The following ZNF324 variants were observed in gnomAD, a reference collection of about 807,000 sequenced individuals.
ZNF324 encodes the protein zinc finger protein 324, also known as zinc finger protein 324A.
A neutral mutation model predicts 10.3 loss-of-function variants in ZNF324; 3 were observed. The ratio of observed to expected loss-of-function variants is 0.29; its 90% CI spans 0.13 to 0.75. The LOEUF (loss-of-function observed/expected upper bound fraction) is 0.75. Among genes scored for constraint, ZNF324 ranks in the 30% least tolerant of loss-of-function variants. ZNF324 has a pLI of 0.69. For synonymous variants in ZNF324, 430 were observed against 339.5 expected, an observed-to-expected ratio of 1.27 and a Z score of -2.93; for missense variants, 763 against 784.4, an observed-to-expected ratio of 0.97 and a Z score of 0.33.
Position 58,471,838 on chromosome 19 carries a change from G to C in ZNF324, c.1346G>C (p.Gly449Ala), listed in dbSNP as rs2053036598. The change falls in exon 4 of 4, where the codon GGC (glycine) becomes GCC (alanine). Residue 449 changes from glycine to alanine, a missense_variant. Physicochemically the swap from Gly to Ala is moderately conservative, Grantham distance 60 (BLOSUM62 0). Coordinates refer to ENST00000196482, the MANE Select transcript of ZNF324 (RefSeq NM_014347.3). ...NLTQHQLLHT[G>A]ERPFRCVDCG... ...ACCCAGCACCAGCTCCTGCACACGG[G>C]CGAGCGGCCCTTCCGCTGCGTGGAC... The C allele has an allele frequency of 6.2e-7, 1 of 1,612,786 alleles. No individual in the cohort carries two copies. The highest frequency in any genetic ancestry group is 1.3e-5 in the African/African-American group (1 of 74,932).
Position 58,473,847 on chromosome 19 carries a change from G to A in ZNF324, c.*1693G>A, listed in dbSNP as rs2053058945. 1 of 152,274 alleles carries A rather than the reference G, an allele frequency of 6.6e-6. No homozygotes were observed. Among genetic ancestry groups the A allele is most frequent in the Non-Finnish European group, 1.5e-5 (1 of 68,086 alleles). The allele number at this position is 152,274 out of a possible 1,614,324, so 9.4% of individuals were successfully genotyped here. ...GAACTGGGATAGAGTGGGGCTGTCT[G>A]GAGCAGCAGCCCTGCTAGATGAGTC... is the stretch of plus-strand genomic sequence containing the variant. On this transcript the variant is annotated 3_prime_UTR_variant, in exon 4 of 4. Coordinates refer to ENST00000196482, the MANE Select transcript of ZNF324 (RefSeq NM_014347.3).
Position 58,471,408 on chromosome 19 carries a change from A to G in ZNF324, c.916A>G (p.Ile306Val). The G allele has an allele frequency of 6.2e-7, 1 of 1,612,674 alleles. No homozygotes were observed. The highest frequency in any genetic ancestry group is 8.5e-7 in the Non-Finnish European group (1 of 1,179,380). Residue 306 changes from isoleucine to valine, a missense_variant, in exon 4 of 4, where the codon ATC becomes GTC. Around this residue, in one of 3 missense-constraint regions of ZNF324, gnomAD observed 153 missense variants for 269.0 expected, o/e 0.57. Transcript: ENST00000196482. The part of the protein sequence containing the change: ...QTSHLTQHQR[I>V]HSGETPYACP... ...GTCGCACTTGACGCAGCACCAGCGC[A>G]TCCACAGCGGCGAGACGCCCTACGC...
chr19:58,467,495 G>T (rs1424303135), intron 1 of ZNF324: 3 of 151,828 alleles, frequency 2.0e-5, no homozygotes, highest in Admixed American at 6.6e-5. Flanking sequence ...TGGCGGCGGT[G>T]GCGCTGACAA....
rs754827254 is a variant in ZNF324, at chr19:58,469,172, T to G, written c.-6-8T>G. The G allele has an allele frequency of 1.9e-6, 3 of 1,614,056 alleles. No homozygotes were observed. Among genetic ancestry groups the G allele is most frequent in the East Asian group, 4.5e-5 (2 of 44,894 alleles). ...ACCATGGCTGTCTCTTCCTCCCTGC[T>G]CTTTTAGGACCAGATGGCCTTTGAG... On this transcript the variant is annotated splice_region_variant and splice_polypyrimidine_tract_variant and intron_variant, in intron 1 of 3. Coordinates refer to ENST00000196482, the MANE Select transcript of ZNF324 (RefSeq NM_014347.3).
Position 58,473,651 on chromosome 19 carries a change from C to T in ZNF324, c.*1497C>T, listed in dbSNP as rs561911469. The T allele has an allele frequency of 7.2e-5, 11 of 152,376 alleles. No individual in the cohort carries two copies. The South Asian group carries it at 2.1e-3, about 29-fold the overall frequency. The allele number at this position is 152,376 out of a possible 1,614,324, so 9.4% of individuals were successfully genotyped here. ...GCAGATGGTATTGAACATACCCTGA[C>T]ATGCCATCAGCGTTTGTCATCATCA... On this transcript the variant is annotated 3_prime_UTR_variant, in exon 4 of 4. Transcript: ENST00000196482.
rs1222485067 is a variant in ZNF324, at chr19:58,474,798, G to A, written c.*2644G>A. 2 of 152,402 alleles carry A rather than the reference G, an allele frequency of 1.3e-5. No homozygotes were observed. The highest frequency in any genetic ancestry group is 3.4e-3 in the Middle Eastern group (1 of 294). The allele number at this position is 152,402 out of a possible 1,614,324, so 9.4% of individuals were successfully genotyped here. ...CACAAGTATGAGGATGGTGACAGAG[G>A]AGTCAGGAGCAATGGCATTCCTAAG... On this transcript the variant is annotated 3_prime_UTR_variant, in exon 4 of 4. Coordinates refer to ENST00000196482, the MANE Select transcript of ZNF324 (RefSeq NM_014347.3).
rs143882732 is a variant in ZNF324 at position 58,471,684 on chromosome 19, G to C, written c.1192G>C (p.Val398Leu). The change falls in exon 4 of 4, where the codon GTG (valine) becomes CTG (leucine). Residue 398 changes from valine (V) to leucine (L), a missense_variant. Val to Leu is a conservative substitution (Grantham distance 32, BLOSUM62 1). Around this residue, in one of 3 missense-constraint regions of ZNF324, gnomAD observed 153 missense variants for 269.0 expected, o/e 0.57. Transcript: ENST00000196482. ...ERTHTGEKPF[V>L]CALCGAAFSQ... The stretch of plus-strand genomic sequence containing the variant: ...TACGCACACAGGCGAGAAGCCCTTC[G>C]TGTGCGCGCTCTGCGGTGCTGCCTT... 26 of 1,612,952 alleles carry C rather than the reference G, an allele frequency of 1.6e-5. No homozygotes were observed. In the East Asian group the frequency reaches 2.5e-4, roughly 15 times the overall value.
At position 58,471,393 on chromosome 19, in the gene ZNF324, A is replaced by G; in HGVS notation, c.901A>G (p.Thr301Ala). Residue 301 changes from threonine to alanine, a missense_variant, in exon 4 of 4, where the codon ACG becomes GCG. Physicochemically the swap from Thr to Ala is moderately conservative, Grantham distance 58. Around this residue, in one of 3 missense-constraint regions of ZNF324, gnomAD observed 153 missense variants for 269.0 expected, o/e 0.57. Transcript: ENST00000196482. The stretch of plus-strand genomic sequence containing the variant: ...GGCCTTCAGCCAGACGTCGCACTTG[A>G]CGCAGCACCAGCGCATCCACAGCGG... ...GKAFSQTSHL[T>A]QHQRIHSGET... 3 of 1,613,452 alleles carry G rather than the reference A, an allele frequency of 1.9e-6. No homozygotes were observed. Among genetic ancestry groups the G allele is most frequent in the Non-Finnish European group, 2.5e-6 (3 of 1,179,790 alleles).
At position 58,471,881 on chromosome 19, in the gene ZNF324, C is replaced by T. The variant is rs1324102308; in HGVS notation, c.1389C>T (p.Ala463=). 3 of 1,612,002 alleles carry T rather than the reference C, an allele frequency of 1.9e-6. No individual in the cohort carries two copies. The highest frequency in any genetic ancestry group is 1.7e-5 in the Admixed American group (1 of 59,984). ...FRCVDCGKAF[A]KGAVLLSHRR... is the part of the protein sequence containing the mutation. ...GCGTGGACTGTGGCAAGGCCTTCGC[C>T]AAGGGCGCCGTGCTGCTCAGCCACC... Residue 463 remains alanine (A), a synonymous_variant, in exon 4 of 4, where the codon GCC becomes GCT. Transcript: ENST00000196482.
chr19:58,471,746 G>T lies in ZNF324; in HGVS notation c.1254G>T (p.Val418=), dbSNP rs373142502. 1 of 1,612,496 alleles carries T rather than the reference G, an allele frequency of 6.2e-7. No homozygotes were observed. The highest frequency in any genetic ancestry group is 8.5e-7 in the Non-Finnish European group (1 of 1,179,556). Reference sequence around the variant, plus strand: ...CCTCGCTCTTTAAGCACCAGCGCGTGCACACAGGCGAGAAGCCCTTCGCCT... The same window carrying T: ...CCTCGCTCTTTAAGCACCAGCGCGTTCACACAGGCGAGAAGCCCTTCGCCT... ...QGSSLFKHQR[V]HTGEKPFACP... Residue 418 remains valine, a synonymous_variant, in exon 4 of 4, where the codon GTG becomes GTT. Transcript: ENST00000196482.
intron 2 of ZNF324, 53 bp downstream of exon 2, chr19:58,469,359 C>T: frequency 6.3e-7 from 1 of 1,592,544 alleles, no homozygotes; most frequent in South Asian, 1.1e-5. Context: ...GCTGACTGGC[C>T]AGGGCTGCCC....
Position 58,471,903 on chromosome 19 carries a change from C to T in ZNF324, c.1411C>T (p.His471Tyr). The T allele has an allele frequency of 6.2e-7, 1 of 1,610,936 alleles. No individual in the cohort carries two copies. The highest frequency in any genetic ancestry group is 8.5e-7 in the Non-Finnish European group (1 of 1,179,232). The change falls in exon 4 of 4, where the codon CAC (histidine) becomes TAC (tyrosine). Residue 471 changes from histidine to tyrosine, a missense_variant. Physicochemically the swap from His to Tyr is moderately conservative, Grantham distance 83. Around this residue, in one of 3 missense-constraint regions of ZNF324, gnomAD observed 231 missense variants for 196.0 expected, o/e 1.18. Transcript: ENST00000196482. ...CGCCAAGGGCGCCGTGCTGCTCAGC[C>T]ACCGGCGCATTCACACGGGCGAGAA... ...AFAKGAVLLS[H>Y]RRIHTGEKPF...
In ZNF324 at chr19:58,474,069, C is replaced by T. The variant is rs1418993440; in HGVS notation, c.*1915C>T. On this transcript the variant is annotated 3_prime_UTR_variant, in exon 4 of 4. Coordinates refer to ENST00000196482, the MANE Select transcript of ZNF324 (RefSeq NM_014347.3). Reference sequence around the variant, plus strand: ...ATACACAAAGAGCCCAGATCCAGGCCCCACACACTTGATATTGGGGCCAGA... The same window carrying T: ...ATACACAAAGAGCCCAGATCCAGGCTCCACACACTTGATATTGGGGCCAGA... The T allele has an allele frequency of 2.0e-5, 3 of 152,196 alleles. No homozygotes were observed. Among genetic ancestry groups the T allele is most frequent in the Middle Eastern group, 3.2e-3 (1 of 316 alleles). 9.4% of individuals were successfully genotyped at this position (152,196 alleles called of 1,614,324 possible). A position where few individuals can be genotyped will look rare whatever the true frequency, so the allele number is the denominator to read the frequency against.
In ZNF324 at chr19:58,470,992, G is replaced by A. The variant is rs1176833784; in HGVS notation, c.500G>A (p.Arg167Lys). 1.9e-6 allele frequency: 3 copies of A among 1,614,102 alleles called. No homozygotes were observed. Among genetic ancestry groups the A allele is most frequent in the Admixed American group, 3.3e-5 (2 of 60,010 alleles). The change falls in exon 4 of 4, where the codon AGG (arginine) becomes AAG (lysine). Residue 167 changes from arginine (R) to lysine (K), a missense_variant. Transcript: ENST00000196482. The part of the protein sequence containing the change: ...SVSLRLTSPL[R>K]PPEGVRLREK... ...AGCCTGCGACTGACCTCCCCGCTTA[G>A]GCCTCCCGAGGGCGTCCGGCTTAGA...
chr19:58,473,685 C>T lies in ZNF324; in HGVS notation c.*1531C>T, dbSNP rs779788642. 2 of 152,268 alleles carry T rather than the reference C, an allele frequency of 1.3e-5. No individual in the cohort carries two copies. The highest frequency in any genetic ancestry group is 2.9e-5 in the Non-Finnish European group (2 of 68,092). The allele number at this position is 152,268 out of a possible 1,614,324, so 9.4% of individuals were successfully genotyped here. Reference sequence around the variant, plus strand: ...AGCGTTTGTCATCATCACAGAAGTTCCTGGACTTGGCTTCAACCTGGGTAC... The same window carrying T: ...AGCGTTTGTCATCATCACAGAAGTTTCTGGACTTGGCTTCAACCTGGGTAC... On this transcript the variant is annotated 3_prime_UTR_variant, in exon 4 of 4. Transcript: ENST00000196482.
chr19:58,467,992 C>T (rs951508032), intron 1 of ZNF324, among the ~76,000 whole-genome samples: 3 of 151,842 alleles, frequency 2.0e-5, no homozygotes, highest in Non-Finnish European at 4.4e-5. Context: ...ACAGTCTGGG[C>T]AGCAGTGGAG....
intron 3 of ZNF324, 99 bp downstream of exon 3, chr19:58,469,943 C>T (rs2053013616): frequency 9.1e-6 from 8 of 882,970 alleles, no homozygotes; most frequent in Non-Finnish European, 1.4e-5. Context: ...CCTCCCCTCC[C>T]TCCCACCCGA....
chr19:58,475,132 T>G lies in ZNF324; in HGVS notation c.*2978T>G, dbSNP rs970281207. The G allele has an allele frequency of 6.6e-6, 1 of 151,990 alleles. No individual in the cohort carries two copies. The highest frequency in any genetic ancestry group is 2.4e-5 in the African/African-American group (1 of 41,358). The allele number at this position is 151,990 out of a possible 1,614,324, so 9.4% of individuals were successfully genotyped here. A position where few individuals can be genotyped will look rare whatever the true frequency, so the allele number is the denominator to read the frequency against. On this transcript the variant is annotated 3_prime_UTR_variant, in exon 4 of 4. Transcript: ENST00000196482. Reference sequence around the variant, plus strand: ...CCCCAAAAACAACCTGAGGAGGCCGTTGGAAAGCTCCGAGTTGACAAGTCT... The same window carrying G: ...CCCCAAAAACAACCTGAGGAGGCCGGTGGAAAGCTCCGAGTTGACAAGTCT...
chr19:58,472,504 G>T lies in ZNF324; in HGVS notation c.*350G>T, dbSNP rs1392221224. The T allele has an allele frequency of 1.2e-5, 3 of 260,556 alleles. No individual in the cohort carries two copies. Among genetic ancestry groups the T allele is most frequent in the Non-Finnish European group, 2.2e-5 (3 of 136,556 alleles). 16.1% of individuals were successfully genotyped at this position (260,556 alleles called of 1,614,324 possible). On this transcript the variant is annotated 3_prime_UTR_variant, in exon 4 of 4. Transcript: ENST00000196482. ...CAGTGGATGCTAAGGTGAGAGGGATGCAGGCATGGGTTGGGGGTGGCCCAG... is the reference window on the plus strand; with the variant it reads ...CAGTGGATGCTAAGGTGAGAGGGATTCAGGCATGGGTTGGGGGTGGCCCAG...
Sources: gnomAD v4.1 joint callset for allele counts (sites outside exome capture counted in the v4.1 genomes callset) on GRCh38, gnomAD v4.1.1 for gene constraint, gnomAD v4.1.1 regional missense constraint, MANE v1.5 for transcripts, NCBI Gene and HGNC (gene_info 2026-07-23, HGNC 2026-07-21) for gene names.